DBNDD2: variants seen among roughly 807,000 people sequenced by gnomAD.
DBNDD2 encodes dysbindin domain containing 2, also known as dysbindin domain-containing protein 2.
A neutral mutation model predicts 14.0 loss-of-function variants in DBNDD2; 8 were observed. The observed-to-expected ratio is 0.57, with a 90% CI of 0.33 to 1.03. The LOEUF is 1.03. DBNDD2 is among the 50% of genes least tolerant of loss of function. The pLI, the probability that DBNDD2 is intolerant of heterozygous loss-of-function variation, is 0.03. For missense variants in DBNDD2, 194 were observed against 206.0 expected (o/e 0.94, Z 0.36); for synonymous variants, 94 against 85.3 (o/e 1.10, Z -0.56).
At chr20:45,406,081 G>C (rs1386595841), upstream of DBNDD2, 1 of 196,292 alleles carries the variant, frequency 5.1e-6, no homozygotes, top group East Asian at 1.3e-4. Flanking sequence ...AGCCGGGCGA[G>C]TCCCAGGGCA....
At chr20:45,406,138 C>G (rs1372755896), upstream of DBNDD2, 1 of 322,986 alleles carries the variant, frequency 3.1e-6, no homozygotes, top group Non-Finnish European at 5.7e-6. Flanking sequence ...GGCACCGGGT[C>G]AGTGCCCTGC....
At chr20:45,406,570 T>TCCGCCTC, upstream of DBNDD2, 1 of 1,479,524 alleles carries the variant, frequency 6.8e-7, no homozygotes, top group Non-Finnish European at 9.0e-7. Flanking sequence ...CTCCCCCACT[T>TCCGCCTC]CCGCCTCCCG....
chr20:45,408,985 G>A (rs377271691), intron 2 of DBNDD2, 47 bp downstream of exon 2: 483 of 1,613,944 alleles, frequency 3.0e-4, no homozygotes, highest in Non-Finnish European at 3.9e-4. Context: ...AGCCAGAGCC[G>A]GATGTCAGGC....
intron 2 of DBNDD2, among the ~76,000 whole-genome samples, chr20:45,409,666 C>T (rs1989728222): frequency 1.3e-5 from 2 of 152,216 alleles, no homozygotes; most frequent in African/African-American, 4.8e-5. Flanking sequence ...TTGCTCAAAG[C>T]CACTCAGCAG....
chr20:45,408,929 C>G lies in DBNDD2; in HGVS notation c.268C>G (p.Gln90Glu). 2 of 1,614,216 alleles carry G rather than the reference C, an allele frequency of 1.2e-6. No homozygotes were observed. Among genetic ancestry groups the G allele is most frequent in the Non-Finnish European group, 1.7e-6 (2 of 1,180,040 alleles). ...LPCEDPPPTP[Q>E]SSGMDNHLEE... is the part of the protein sequence containing the mutation. ...TTGCGAAGATCCTCCACCAACCCCC[C>G]AGTCGTCTGGTATGCCCCTCTGCTT... The change falls in exon 2 of 3, where the codon CAG becomes GAG. Residue 90 changes from glutamine (Q) to glutamate (E), a missense_variant. Coordinates refer to ENST00000372710, the MANE Select transcript of DBNDD2 (RefSeq NM_001048225.4).
chr20:45,407,917 T>C (rs1989557362), upstream of DBNDD2: 1 of 1,306,570 alleles, frequency 7.7e-7, no homozygotes, highest in Non-Finnish European at 9.7e-7. Flanking sequence ...CGTGTGTACG[T>C]GTTTGTGTGG....
intron 2 of DBNDD2, among the ~76,000 whole-genome samples, 188 bp from the exon 3 acceptor site, chr20:45,409,744 G>A (rs558880559): frequency 2.0e-5 from 3 of 152,334 alleles, no homozygotes; most frequent in Non-Finnish European, 2.9e-5. Context: ...CCCAGACATG[G>A]TGTAATGACG....
chr20:45,406,727 C>T, upstream of DBNDD2: 1 of 1,282,928 alleles, frequency 7.8e-7, no homozygotes, highest in African/African-American at 1.6e-5. Context: ...GGCGCCAGCG[C>T]TGCAGGTAGG....
Position 45,410,223 on chromosome 20 carries a change from G to A in DBNDD2, c.*83G>A, listed in dbSNP as rs1989773907. 1 of 1,444,832 alleles carries A rather than the reference G, an allele frequency of 6.9e-7. No homozygotes were observed. Among genetic ancestry groups the A allele is most frequent in the Non-Finnish European group, 9.4e-7 (1 of 1,060,560 alleles). The allele number at this position is 1,444,832 out of a possible 1,614,324, so 89.5% of individuals were successfully genotyped here. The stretch of plus-strand genomic sequence containing the variant: ...GCCCAGCCAGAGCCTGTCGGGAGAA[G>A]ACCAGACTCTTTACTTGCAGTAGGC... On this transcript the variant is annotated 3_prime_UTR_variant, in exon 3 of 3. Transcript: ENST00000372710.
chr20:45,408,017 G>A (rs1394639200), upstream of DBNDD2: 6 of 1,431,170 alleles, frequency 4.2e-6, no homozygotes, highest in Non-Finnish European at 5.5e-6. Context: ...AGCACTGGAG[G>A]AAGGGAACCC....
chr20:45,410,136 G>T lies in DBNDD2; in HGVS notation c.482G>T (p.Ser161Ile). The T allele has an allele frequency of 6.4e-7, 1 of 1,551,800 alleles. No individual in the cohort carries two copies. Among genetic ancestry groups the T allele is most frequent in the Non-Finnish European group, 8.7e-7 (1 of 1,147,088 alleles). Residue 161 changes from serine (S) to isoleucine (I), a missense_variant, in exon 3 of 3, where the codon AGC (serine) becomes ATC (isoleucine). By Grantham distance (142) the Ser-to-Ile change is moderately radical (BLOSUM62 -2). Transcript: ENST00000372710. Reference sequence around the variant, plus strand: ...GGAGGGGCAGAGCCTGGAGCCTGCAGCTAGCAGTGGGCCCCTGCCTACAGA... The same window carrying T: ...GGAGGGGCAGAGCCTGGAGCCTGCATCTAGCAGTGGGCCCCTGCCTACAGA... ...GDGGAEPGACS is the reference protein window; with the variant it reads ...GDGGAEPGACI
At chr20:45,409,143 T>G (rs1410350284) in intron 2 of DBNDD2, 2 of 822,530 alleles carry the variant, frequency 2.4e-6, no homozygotes, top group East Asian at 2.7e-5. Context: ...AATCCAAAAT[T>G]CTGGGAACGG....
At chr20:45,406,562 C>G (rs1036307031), upstream of DBNDD2, 1 of 1,493,524 alleles carries the variant, frequency 6.7e-7, no homozygotes, top group East Asian at 2.9e-5. Flanking sequence ...CACCGCCCCT[C>G]CCCCACTTCC....
chr20:45,408,462 G>A lies in DBNDD2; in HGVS notation c.-6G>A, dbSNP rs769271971. On this transcript the variant is annotated 5_prime_UTR_variant, in exon 1 of 3. Coordinates refer to ENST00000372710, the MANE Select transcript of DBNDD2 (RefSeq NM_001048225.4). ...TTGTTTTGCTCCTCTACCCGCAGGA[G>A]CTGACATGGACCCAAATCCTCGGGC... The A allele has an allele frequency of 1.2e-6, 2 of 1,614,252 alleles. No homozygotes were observed. Among genetic ancestry groups the A allele is most frequent in the Non-Finnish European group, 1.7e-6 (2 of 1,180,044 alleles).
At chr20:45,409,797 C>T (rs745908202) in intron 2 of DBNDD2, 135 bp from the exon 3 acceptor site, 154 of 838,796 alleles carry the variant, frequency 1.8e-4, no homozygotes, top group Non-Finnish European at 2.8e-4. Context: ...TTAATCCTGG[C>T]TCTTTGCTGG....
chr20:45,408,575 T>C lies in DBNDD2; in HGVS notation c.108T>C (p.Pro36=). The change falls in exon 1 of 3, where the codon CCT becomes CCC. Residue 36 remains proline (P), a synonymous_variant. Transcript: ENST00000372710. The stretch of plus-strand genomic sequence containing the variant: ...AGCCAGAGACAGAGTTTGTCTTTCC[T>C]CTGTCCCATCTGCATCTCGAGTCGC... The part of the protein sequence containing the change: ...ILQPETEFVF[P]LSHLHLESQR... The C allele has an allele frequency of 6.2e-7, 1 of 1,613,868 alleles. No individual in the cohort carries two copies. Among genetic ancestry groups the C allele is most frequent in the Non-Finnish European group, 8.5e-7 (1 of 1,179,736 alleles).
At chr20:45,409,184 T>C (rs1290277805) in intron 2 of DBNDD2, 1 of 590,858 alleles carries the variant, frequency 1.7e-6, no homozygotes, top group Non-Finnish European at 2.9e-6. Flanking sequence ...ACATTTGTTA[T>C]ATTAATATAA....
chr20:45,406,710 CAG>C, upstream of DBNDD2: 1 of 1,302,426 alleles, frequency 7.7e-7, no homozygotes, highest in Non-Finnish European at 9.7e-7. Flanking sequence ...CGGACTGAGT[CAG>C]AGGGGGCGCC....
chr20:45,406,761 G>C, upstream of DBNDD2: 1 of 1,266,422 alleles, frequency 7.9e-7, no homozygotes, highest in Non-Finnish European at 9.9e-7. Flanking sequence ...GTGGGCGCAG[G>C]TGCCGCGGTG....
Sources: gnomAD v4.1 joint callset for allele counts (sites outside exome capture counted in the v4.1 genomes callset) on GRCh38, gnomAD v4.1.1 for gene constraint, MANE v1.5 for transcripts, NCBI Gene and HGNC (gene_info 2026-07-23, HGNC 2026-07-21) for gene names.